LEMD3: variants seen among roughly 807,000 people sequenced by gnomAD.
LEMD3 encodes the protein inner nuclear membrane protein Man1.
A neutral mutation model predicts 95.2 loss-of-function variants in LEMD3; 33 were observed. The observed-to-expected ratio is 0.35, with a 90% CI of 0.26 to 0.46. LEMD3 has a LOEUF of 0.46. LEMD3 is among the 20% of genes least tolerant of loss of function. The pLI, the probability that LEMD3 is intolerant of heterozygous loss-of-function variation, is 1.00. For synonymous variants in LEMD3, 525 were observed against 474.6 expected (o/e 1.11, Z -1.38); for missense variants, 1,210 against 1,192.8 (o/e 1.01, Z -0.21).
rs1392843653 is a variant in LEMD3, at chr12:65,238,649, C to T, written c.1776-20C>T. On this transcript the variant is annotated intron_variant, in intron 5 of 12. Coordinates refer to ENST00000308330, the MANE Select transcript of LEMD3 (RefSeq NM_014319.5). ...AAATGGTTTTTGACTTTAAATTCTA[C>T]CTTACTTATTTTTAAATAGGTGTGT... The T allele has an allele frequency of 6.2e-7, 1 of 1,613,704 alleles. No individual in the cohort carries two copies. The highest frequency in any genetic ancestry group is 8.5e-7 in the Non-Finnish European group (1 of 1,179,778).
intron 1 of LEMD3, among the ~76,000 whole-genome samples, chr12:65,193,536 C>G (rs780573407): frequency 3.3e-5 from 5 of 152,102 alleles, no homozygotes; most frequent in Non-Finnish European, 7.4e-5. Flanking sequence ...TAAAATCCTC[C>G]ATGTTGCTTC....
At chr12:65,222,354 T>C (rs935454119) in intron 4 of LEMD3, among the ~76,000 whole-genome samples, 1 of 152,160 alleles carries the variant, frequency 6.6e-6, no homozygotes, top group African/African-American at 2.4e-5. Flanking sequence ...CTAGTGTTTT[T>C]TTGAGGATTT....
At chr12:65,189,506 G>A (rs895195035) in intron 1 of LEMD3, among the ~76,000 whole-genome samples, 1 of 152,176 alleles carries the variant, frequency 6.6e-6, no homozygotes, top group African/African-American at 2.4e-5. Flanking sequence ...TCATCAGCAG[G>A]GATGAGTGTT....
At chr12:65,199,629 A>G (rs1018514780) in intron 1 of LEMD3, among the ~76,000 whole-genome samples, 11 of 152,160 alleles carry the variant, frequency 7.2e-5, no homozygotes, top group African/African-American at 9.6e-5. Context: ...TTACATTACA[A>G]TGAATCTTCT....
chr12:65,194,705 TAGC>T (rs1869355178), intron 1 of LEMD3, among the ~76,000 whole-genome samples: 1 of 147,458 alleles, frequency 6.8e-6, no homozygotes, highest in Non-Finnish European at 1.5e-5. Flanking sequence ...ATCTATACCT[TAGC>T]AGAATTTGGG....
intron 1 of LEMD3, among the ~76,000 whole-genome samples, chr12:65,185,989 A>G (rs1869048535): frequency 6.6e-6 from 1 of 152,086 alleles, no homozygotes; most frequent in Non-Finnish European, 1.5e-5. Flanking sequence ...TTGGAGTAGC[A>G]GTATATTGTG....
At chr12:65,193,898 TATA>T (rs1869327285) in intron 1 of LEMD3, among the ~76,000 whole-genome samples, 1 of 152,138 alleles carries the variant, frequency 6.6e-6, no homozygotes, top group Non-Finnish European at 1.5e-5. Context: ...CCCATAGTTC[TATA>T]ATCTTAAACA....
chr12:65,243,324 T>C, intron 9 of LEMD3, 64 bp from the exon 10 acceptor site: 1 of 986,528 alleles, frequency 1.0e-6, no homozygotes, highest in South Asian at 1.3e-5. Flanking sequence ...ATGAACTGAA[T>C]GATTGAATAC....
chr12:65,196,218 TCA>T (rs999813566), intron 1 of LEMD3, among the ~76,000 whole-genome samples: 5 of 151,892 alleles, frequency 3.3e-5, no homozygotes, highest in African/African-American at 1.2e-4. Context: ...CAGAGTTAAG[TCA>T]GTCAACATGT....
Position 65,246,449 on chromosome 12 carries a change from T to A in LEMD3, c.*124T>A. On this transcript the variant is annotated 3_prime_UTR_variant, in exon 13 of 13. Transcript: ENST00000308330. Reference sequence around the variant, plus strand: ...TTATTGATGAATACATCTCTGAACGTTCCAGAAGTCTTAAGGTTCCAAAGG... The same window carrying A: ...TTATTGATGAATACATCTCTGAACGATCCAGAAGTCTTAAGGTTCCAAAGG... The A allele has an allele frequency of 1.3e-6, 1 of 791,202 alleles. No homozygotes were observed. Among genetic ancestry groups the A allele is most frequent in the Non-Finnish European group, 2.1e-6 (1 of 466,468 alleles). 49.0% of individuals were successfully genotyped at this position (791,202 alleles called of 1,614,324 possible).
chr12:65,206,939 T>G (rs1869780835), intron 1 of LEMD3, among the ~76,000 whole-genome samples: 1 of 151,904 alleles, frequency 6.6e-6, no homozygotes, highest in Non-Finnish European at 1.5e-5. Context: ...ATGATGAGAG[T>G]TATGTATGCT....
intron 4 of LEMD3, among the ~76,000 whole-genome samples, chr12:65,238,113 C>G (rs140331645): frequency 1.3e-4 from 19 of 151,754 alleles, no homozygotes; most frequent in African/African-American, 4.4e-4. Flanking sequence ...TCTAAAAGTA[C>G]GAAAAAAGAA....
intron 3 of LEMD3, 43 bp from the exon 4 acceptor site, chr12:65,218,507 TAA>T: frequency 8.5e-7 from 1 of 1,174,604 alleles, no homozygotes; most frequent in Non-Finnish European, 1.3e-6. Flanking sequence ...TTCTTCTGTT[TAA>T]GAGAGTACTG....
In LEMD3 at chr12:65,170,533, G is replaced by C. The variant is rs200070970; in HGVS notation, c.937G>C (p.Gly313Arg). The change falls in exon 1 of 13, where the codon GGG becomes CGG. Residue 313 changes from glycine to arginine, a missense_variant. Physicochemically the swap from Gly to Arg is moderately radical, Grantham distance 125. Around this residue, in one of 2 missense-constraint regions of LEMD3, gnomAD observed 749 missense variants for 622.9 expected, o/e 1.20. Transcript: ENST00000308330. The stretch of plus-strand genomic sequence containing the variant: ...CAGGCTGGAGACTTCAGTTCAGGGA[G>C]GGGGAGGACTCGCGATGAATGACAG... ...GGRLETSVQG[G>R]GGLAMNDRAA... The C allele has an allele frequency of 8.7e-6, 14 of 1,614,074 alleles. No homozygotes were observed. Among genetic ancestry groups the C allele is most frequent in the Middle Eastern group, 1.6e-4 (1 of 6,062 alleles).
At chr12:65,216,075 A>G in intron 3 of LEMD3, 32 bp downstream of exon 3, 1 of 1,377,924 alleles carries the variant, frequency 7.3e-7, no homozygotes, top group Non-Finnish European at 1.0e-6. Flanking sequence ...GTTGCTAAAA[A>G]TGTTTTGAAA....
intron 1 of LEMD3, among the ~76,000 whole-genome samples, chr12:65,172,867 A>G (rs568190876): frequency 2.0e-5 from 3 of 152,160 alleles, no homozygotes; most frequent in African/African-American, 7.2e-5. Context: ...CTGGGACTAC[A>G]TGCGCGTGCC....
Position 65,171,070 on chromosome 12 carries a change from T to G in LEMD3, c.1474T>G (p.Tyr492Asp). The change falls in exon 1 of 13, where the codon TAC (tyrosine) becomes GAC (aspartate). Residue 492 changes from tyrosine to aspartate, a missense_variant. Tyr to Asp is a radical substitution (Grantham distance 160, BLOSUM62 -3). This residue lies in a region of LEMD3 where 461 missense variants were observed against 569.8 expected (regional missense o/e 0.81). Transcript: ENST00000308330. ...ATTTTTCCTAATACTGGGACTGACT[T>G]ACCTAGGAATGAGAGGGACAGGAGT... ...CLFFLILGLT[Y>D]LGMRGTGVSE... 6.2e-7 allele frequency: 1 copy of G among 1,613,942 alleles called. No homozygotes were observed. The highest frequency in any genetic ancestry group is 8.5e-7 in the Non-Finnish European group (1 of 1,180,032).
intron 9 of LEMD3, among the ~76,000 whole-genome samples, chr12:65,241,569 C>T (rs1870940066): frequency 6.6e-6 from 1 of 151,640 alleles, no homozygotes; most frequent in Non-Finnish European, 1.5e-5. Flanking sequence ...GGTATCTTTC[C>T]ATATTTTTCT....
At chr12:65,199,119 C>T (rs1169832393) in intron 1 of LEMD3, among the ~76,000 whole-genome samples, 1 of 152,106 alleles carries the variant, frequency 6.6e-6, no homozygotes, top group Non-Finnish European at 1.5e-5. Context: ...TACTTAACAT[C>T]TAAGAGTCTT....
Sources: gnomAD v4.1 joint callset for allele counts (sites outside exome capture counted in the v4.1 genomes callset) on GRCh38, gnomAD v4.1.1 for gene constraint, gnomAD v4.1.1 regional missense constraint, MANE v1.5 for transcripts, NCBI Gene and HGNC (gene_info 2026-07-23, HGNC 2026-07-21) for gene names.